LEKR1: variants seen among roughly 807,000 people sequenced by gnomAD.
LEKR1 encodes protein LEKR1.
In LEKR1, 59 loss-of-function variants were observed where a neutral mutation model predicts 72.4. The observed-to-expected ratio is 0.82, with a 90% CI of 0.66 to 1.01. The LOEUF (loss-of-function observed/expected upper bound fraction) is 1.01, where lower values mean the gene tolerates loss of function less well. Among genes scored for constraint, LEKR1 ranks in the 50% least tolerant of loss-of-function variants. LEKR1 has a pLI of 0.00. For synonymous variants in LEKR1, 257 were observed against 263.2 expected (o/e 0.98, Z 0.23); for missense variants, 728 against 759.2 (o/e 0.96, Z 0.48).
At chr3:157,041,129 T>C (rs1226027517) in intron 12 of LEKR1, among the ~76,000 whole-genome samples, 1 of 152,200 alleles carries the variant, frequency 6.6e-6, no homozygotes, top group Non-Finnish European at 1.5e-5. Context: ...TAAGTCATAT[T>C]TTAAGCCCAT....
At chr3:156,970,328 G>T (rs1038960559) in intron 6 of LEKR1, among the ~76,000 whole-genome samples, 6 of 151,958 alleles carry the variant, frequency 3.9e-5, no homozygotes, top group Non-Finnish European at 7.4e-5. Context: ...GAGCTCTTTA[G>T]TTTAATTAGA....
intron 3 of LEKR1, among the ~76,000 whole-genome samples, chr3:156,871,045 T>G (rs1717871458): frequency 6.6e-6 from 1 of 152,046 alleles, no homozygotes; most frequent in Non-Finnish European, 1.5e-5. Context: ...CATGCTGGTG[T>G]GCTGCACCCA....
chr3:156,943,826 ATATTAACTT>A (rs1337373472), intron 6 of LEKR1, among the ~76,000 whole-genome samples: 1 of 151,918 alleles, frequency 6.6e-6, no homozygotes, highest in Admixed American at 6.6e-5. Flanking sequence ...ACAAGTCATC[ATATTAACTT>A]TATAGCAGTA....
At chr3:157,026,558 A>ATTC (rs1337680833) in intron 11 of LEKR1, among the ~76,000 whole-genome samples, 1 of 152,178 alleles carries the variant, frequency 6.6e-6, no homozygotes, top group Non-Finnish European at 1.5e-5. Flanking sequence ...CTCTTGGATT[A>ATTC]ATTGAAGATA....
chr3:156,903,413 C>G (rs888495608), intron 3 of LEKR1, among the ~76,000 whole-genome samples: 1 of 151,862 alleles, frequency 6.6e-6, no homozygotes, highest in Non-Finnish European at 1.5e-5. Flanking sequence ...TTTTAAGGAT[C>G]GGTAGAAGCA....
At chr3:156,962,183 A>T (rs571833525) in intron 6 of LEKR1, among the ~76,000 whole-genome samples, 3 of 152,348 alleles carry the variant, frequency 2.0e-5, no homozygotes, top group Non-Finnish European at 2.9e-5. Context: ...CAAGGACCTT[A>T]CCTGCAAGGT....
intron 10 of LEKR1, among the ~76,000 whole-genome samples, chr3:157,016,381 T>A (rs1413339550): frequency 2.0e-5 from 3 of 152,062 alleles, no homozygotes; most frequent in Non-Finnish European, 2.9e-5. Context: ...AGATTTTTTT[T>A]AAAATCAGAA....
chr3:157,029,822 G>A (rs890286757), intron 12 of LEKR1, among the ~76,000 whole-genome samples: 2 of 152,078 alleles, frequency 1.3e-5, no homozygotes, highest in African/African-American at 4.8e-5. Context: ...CAGAAAGATT[G>A]AGGCAACTAG....
chr3:156,992,611 A>T (rs879137013), intron 7 of LEKR1, 42 bp from the exon 8 acceptor site: 3 of 385,422 alleles, frequency 7.8e-6, no homozygotes, highest in East Asian at 1.2e-4. Flanking sequence ...CATATACTTT[A>T]TTTTGAAATA....
chr3:156,884,897 C>A (rs886417244), intron 3 of LEKR1, among the ~76,000 whole-genome samples: 1 of 152,036 alleles, frequency 6.6e-6, no homozygotes, highest in African/African-American at 2.4e-5. Flanking sequence ...GATTTCTTTT[C>A]TTCCTCAAGA....
chr3:156,900,742 CTTACAG>C (rs1257374668), intron 3 of LEKR1, among the ~76,000 whole-genome samples: 14 of 152,168 alleles, frequency 9.2e-5, no homozygotes, highest in Admixed American at 2.0e-4. Flanking sequence ...GATTTGATCA[CTTACAG>C]TTGAAGAGAA....
At chr3:156,976,847 G>C (rs1007701516) in intron 6 of LEKR1, among the ~76,000 whole-genome samples, 1 of 152,150 alleles carries the variant, frequency 6.6e-6, no homozygotes, top group African/African-American at 2.4e-5. Context: ...CTAATCCTTA[G>C]AGTTTTCTTG....
chr3:156,882,216 C>G (rs1245366591), intron 3 of LEKR1, among the ~76,000 whole-genome samples: 1 of 151,926 alleles, frequency 6.6e-6, no homozygotes, highest in Non-Finnish European at 1.5e-5. Flanking sequence ...GAACAGGCAA[C>G]CTACAAAATG....
intron 10 of LEKR1, among the ~76,000 whole-genome samples, chr3:157,011,840 T>C (rs1448888177): frequency 6.6e-6 from 1 of 152,122 alleles, no homozygotes; most frequent in African/African-American, 2.4e-5. Context: ...ACCAGGGAAA[T>C]AATTCTTACA....
intron 6 of LEKR1, among the ~76,000 whole-genome samples, chr3:156,957,484 A>G (rs893053131): frequency 6.6e-6 from 1 of 151,064 alleles, no homozygotes; most frequent in African/African-American, 2.5e-5. Context: ...GAAAAAAAAA[A>G]TCACCCAACA....
chr3:157,006,251 C>A (rs530274750), intron 9 of LEKR1, among the ~76,000 whole-genome samples: 1 of 151,486 alleles, frequency 6.6e-6, no homozygotes. Context: ...ATGATCCACC[C>A]GCCTCGGCCT....
chr3:156,960,901 C>T (rs1016233120), intron 6 of LEKR1, among the ~76,000 whole-genome samples: 6 of 152,108 alleles, frequency 3.9e-5, no homozygotes, highest in African/African-American at 1.4e-4. Context: ...ATGTTTAGCT[C>T]ACACTAATAA....
chr3:156,980,516 C>G (rs1338706510), intron 7 of LEKR1, among the ~76,000 whole-genome samples: 2 of 151,834 alleles, frequency 1.3e-5, no homozygotes, highest in Non-Finnish European at 2.9e-5. Context: ...CAGGAAGTAA[C>G]TTTTTGGGAG....
At chr3:156,828,886 T>G (rs344072) in intron 1 of LEKR1, among the ~76,000 whole-genome samples, 102,457 of 151,924 alleles carry the variant, frequency 0.67, 36,669 homozygotes, top group East Asian at 0.93. Context: ...TTTTTTCATC[T>G]GCTAAAATAC....
Sources: allele counts gnomAD v4.1 joint callset (sites outside exome capture counted in the v4.1 genomes callset), GRCh38; gene constraint gnomAD v4.1.1; transcripts MANE v1.5; gene names NCBI Gene and HGNC (gene_info 2026-07-23, HGNC 2026-07-21).